The following FRY variants were observed in gnomAD, a reference collection of about 807,000 sequenced individuals.
The protein encoded by FRY is protein furry homolog.
Under a neutral mutation model 348.4 loss-of-function variants are expected in FRY, and 128 were observed. The ratio of observed to expected loss-of-function variants is 0.37; its 90% CI spans 0.32 to 0.43. The LOEUF (loss-of-function observed/expected upper bound fraction) is 0.43, where lower values mean the gene tolerates loss of function less well. Among genes scored for constraint, FRY ranks in the 20% least tolerant of loss-of-function variants. The pLI, the probability that FRY is intolerant of heterozygous loss-of-function variation, is 1.00. For synonymous variants in FRY, 1,370 were observed against 1,374.7 expected (o/e 1.00, Z 0.08); for missense variants, 2,736 against 3,695.2 (o/e 0.74, Z 6.73).
intron 29 of FRY, among the ~76,000 whole-genome samples, chr13:32,196,146 A>G (rs1373050966): frequency 1.3e-5 from 2 of 152,222 alleles, no homozygotes; most frequent in Non-Finnish European, 2.9e-5. Context: ...TGAAGACCTT[A>G]TGAAATATGT....
At chr13:32,147,485 A>G (rs1315737420) in intron 12 of FRY, 100 bp downstream of exon 12, 2 of 745,642 alleles carry the variant, frequency 2.7e-6, no homozygotes, top group African/African-American at 3.5e-5. Context: ...AAGCTATTCA[A>G]AGCTGACAGT....
intron 16 of FRY, 139 bp from the exon 17 acceptor site, chr13:32,161,005 A>T (rs1593682119): frequency 1.5e-6 from 1 of 678,026 alleles, no homozygotes; most frequent in East Asian, 2.7e-5. Flanking sequence ...GGGCATAAAC[A>T]TTTGAGAGTA....
intron 2 of FRY, among the ~76,000 whole-genome samples, chr13:32,096,597 C>G (rs2138610785): frequency 6.6e-6 from 1 of 152,054 alleles, no homozygotes; most frequent in East Asian, 1.9e-4. Context: ...TTGAGACCAG[C>G]CAGGCCAACA....
At chr13:32,151,829 G>A (rs115219364) in intron 14 of FRY, among the ~76,000 whole-genome samples, 5,897 of 152,198 alleles carry the variant, frequency 0.039, 148 homozygotes, top group African/African-American at 0.065. Context: ...AAATAAAAGC[G>A]TATAGATTGG....
At chr13:32,047,029 A>T (rs1873051654) in intron 1 of FRY, among the ~76,000 whole-genome samples, 1 of 152,192 alleles carries the variant, frequency 6.6e-6, no homozygotes, top group South Asian at 2.1e-4. Flanking sequence ...GATGTGTATG[A>T]GCTGTATATG....
intron 1 of FRY, among the ~76,000 whole-genome samples, chr13:32,049,721 CAAAAT>C (rs1262961518): frequency 6.6e-6 from 1 of 152,084 alleles, no homozygotes; most frequent in African/African-American, 2.4e-5. Flanking sequence ...AACAAGGACT[CAAAAT>C]AAAGTAGTAG....
At chr13:32,063,396 C>G (rs1309393111) in intron 1 of FRY, among the ~76,000 whole-genome samples, 1 of 152,100 alleles carries the variant, frequency 6.6e-6, no homozygotes, top group Non-Finnish European at 1.5e-5. Flanking sequence ...AGTCTAATGC[C>G]CAGATAACAG....
chr13:32,298,604 T>A lies in FRY; in HGVS notation c.*3144T>A, dbSNP rs748833123. 6.6e-6 allele frequency: 1 copy of A among 152,198 alleles called. No individual in the cohort carries two copies. The highest frequency in any genetic ancestry group is 2.4e-5 in the African/African-American group (1 of 41,458). The allele number at this position is 152,198 out of a possible 1,614,324, so 9.4% of individuals were successfully genotyped here. On this transcript the variant is annotated 3_prime_UTR_variant, in exon 61 of 61. Transcript: ENST00000542859. ...CTACGTTGGGTGATGATTAGTGCCA[T>A]GAAGAACAAAACGGATACAGTGAGT...
At chr13:32,048,710 C>A (rs1312963084) in intron 1 of FRY, among the ~76,000 whole-genome samples, 3 of 152,126 alleles carry the variant, frequency 2.0e-5, no homozygotes, top group African/African-American at 7.2e-5. Context: ...TCTTTACTCA[C>A]AAGGTCTTTT....
At chr13:32,144,529 A>G (rs1323648622) in intron 11 of FRY, among the ~76,000 whole-genome samples, 1 of 152,110 alleles carries the variant, frequency 6.6e-6, no homozygotes, top group Non-Finnish European at 1.5e-5. Context: ...AATAATGACC[A>G]CACATCTTTA....
intron 57 of FRY, among the ~76,000 whole-genome samples, chr13:32,277,469 A>G (rs764896489): frequency 7.2e-5 from 11 of 152,184 alleles, no homozygotes; most frequent in Non-Finnish European, 1.6e-4. Flanking sequence ...AATGCTCACA[A>G]CTACCCTGAG....
At chr13:32,188,508 C>A (rs1883152849) in intron 28 of FRY, among the ~76,000 whole-genome samples, 12 of 152,154 alleles carry the variant, frequency 7.9e-5, no homozygotes, top group Admixed American at 7.9e-4. Flanking sequence ...AAAGGACTTT[C>A]TGGTAAAGTT....
intron 42 of FRY, among the ~76,000 whole-genome samples, chr13:32,235,617 C>T (rs1228832623): frequency 6.6e-6 from 1 of 152,120 alleles, no homozygotes; most frequent in African/African-American, 2.4e-5. Flanking sequence ...AAGTGAGACT[C>T]CATCTCAGAA....
chr13:32,224,170 T>G, intron 36 of FRY, 65 bp from the exon 37 acceptor site: 2 of 1,339,668 alleles, frequency 1.5e-6, no homozygotes, highest in Non-Finnish European at 2.2e-6. Flanking sequence ...TCTGAAAACA[T>G]CAAGTAGAGA....
chr13:32,226,565 A>G lies in FRY; in HGVS notation c.5206+591A>G, dbSNP rs1885594677. Among the ~76,000 whole-genome samples the G allele has an allele frequency of 3.3e-5, 5 of 152,224 alleles. No homozygotes were observed. The South Asian group carries it at 1.0e-3, about 31-fold the overall frequency. On this transcript the variant is annotated intron_variant, in intron 39 of 60. Coordinates refer to ENST00000542859, the MANE Select transcript of FRY (RefSeq NM_023037.3). The stretch of plus-strand genomic sequence containing the variant: ...GTCACGCCATTCATGAAAACGGGTA[A>G]TAGTGGTTTTCATTTAGAACCAGAA...
rs768341866 is a variant in FRY, at chr13:32,234,778, C to A, written c.5715+17C>A. Reference sequence around the variant, plus strand: ...GAGATTCAGGTATGGAAGGGAAGACCACTGAGCTCGTGAAGGATGAGCTCT... The same window carrying A: ...GAGATTCAGGTATGGAAGGGAAGACAACTGAGCTCGTGAAGGATGAGCTCT... On this transcript the variant is annotated intron_variant, in intron 42 of 60. Transcript: ENST00000542859. 32 of 1,604,856 alleles carry A rather than the reference C, an allele frequency of 2.0e-5. No homozygotes were observed. Among genetic ancestry groups the A allele is most frequent in the Non-Finnish European group, 2.6e-5 (31 of 1,171,648 alleles).
intron 11 of FRY, among the ~76,000 whole-genome samples, chr13:32,143,783 T>C (rs7990912): frequency 0.46 from 70,089 of 152,044 alleles, 16,629 homozygotes; most frequent in African/African-American, 0.57. Flanking sequence ...TGCTGCTTGA[T>C]GGCAGGTGTC....
chr13:32,194,152 C>T lies in FRY; in HGVS notation c.3601C>T (p.Leu1201Phe), dbSNP rs1295430897. ...TGCTCCATGTATTCAGGTTCATCAACTTGGCTGCGAAGTTGTTGTCTTGCT... is the reference window on the plus strand; with the variant it reads ...TGCTCCATGTATTCAGGTTCATCAATTTGGCTGCGAAGTTGTTGTCTTGCT... Reference protein sequence around the residue: ...LACQDLRVHQLGCEVVVLLLE... With the variant: ...LACQDLRVHQFGCEVVVLLLE... Residue 1201 changes from leucine (L) to phenylalanine (F), a missense_variant, in exon 29 of 61, where the codon CTT (leucine) becomes TTT (phenylalanine). Around this residue, in one of 9 missense-constraint regions of FRY, gnomAD observed 794 missense variants for 977.0 expected, o/e 0.81. Coordinates refer to ENST00000542859, the MANE Select transcript of FRY (RefSeq NM_023037.3). 1 of 1,613,830 alleles carries T rather than the reference C, an allele frequency of 6.2e-7. No individual in the cohort carries two copies. Among genetic ancestry groups the T allele is most frequent in the Non-Finnish European group, 8.5e-7 (1 of 1,179,684 alleles).
chr13:32,277,381 T>C (rs1888582958), intron 57 of FRY, among the ~76,000 whole-genome samples: 1 of 152,220 alleles, frequency 6.6e-6, no homozygotes, highest in African/African-American at 2.4e-5. Context: ...ATAATAGTCA[T>C]GGCAGCTATC....
Sources: allele counts gnomAD v4.1 joint callset (sites outside exome capture counted in the v4.1 genomes callset), GRCh38; gene constraint gnomAD v4.1.1; regional missense constraint gnomAD v4.1.1; transcripts MANE v1.5; gene names NCBI Gene and HGNC (gene_info 2026-07-23, HGNC 2026-07-21).